Variants in DOK5 observed in about 807,000 individuals in gnomAD.
The protein encoded by DOK5 is docking protein 5.
A neutral mutation model predicts 43.3 loss-of-function variants in DOK5; 27 were observed. The observed-to-expected ratio is 0.62, with a 90% CI of 0.46 to 0.86. DOK5 has a LOEUF of 0.86. DOK5 is among the 40% of genes least tolerant of loss of function. The pLI is 0.00. For synonymous variants in DOK5, 146 were observed against 140.1 expected (o/e 1.04, Z -0.30); for missense variants, 373 against 392.9 (o/e 0.95, Z 0.43).
At chr20:54,486,343 T>TATATATGTCTGTATTTGTATATATAGAC (rs1327024756) in intron 1 of DOK5, among the ~76,000 whole-genome samples, 114 of 150,856 alleles carry the variant, frequency 7.6e-4, no homozygotes, top group African/African-American at 2.7e-3. Context: ...TATATATGTC[T>TATATATGTCTGTATTTGTATATATAGAC]ATATATGTCT....
At chr20:54,502,818 A>G (rs1302463729) in intron 1 of DOK5, among the ~76,000 whole-genome samples, 1 of 152,108 alleles carries the variant, frequency 6.6e-6, no homozygotes, top group Non-Finnish European at 1.5e-5. Flanking sequence ...TAGATATTCT[A>G]TTAATTTTGA....
intron 1 of DOK5, among the ~76,000 whole-genome samples, chr20:54,520,486 C>T (rs1274405999): frequency 6.6e-6 from 1 of 152,084 alleles, no homozygotes; most frequent in Non-Finnish European, 1.5e-5. Context: ...GCTCAAAATT[C>T]TGCAAGTCTT....
At chr20:54,625,908 T>C (rs1987116266) in intron 6 of DOK5, among the ~76,000 whole-genome samples, 1 of 152,236 alleles carries the variant, frequency 6.6e-6, no homozygotes, top group South Asian at 2.1e-4. Flanking sequence ...ATGCCTACTA[T>C]ATGCCAGGAA....
chr20:54,483,938 C>G (rs1383253465), intron 1 of DOK5, among the ~76,000 whole-genome samples: 1 of 152,142 alleles, frequency 6.6e-6, no homozygotes, highest in Non-Finnish European at 1.5e-5. Context: ...GTCTTGTGTT[C>G]TTAAGCCGAG....
At chr20:54,476,150 C>T in intron 1 of DOK5, 138 bp downstream of exon 1, 1 of 1,524,800 alleles carries the variant, frequency 6.6e-7, no homozygotes, top group Non-Finnish European at 8.8e-7. Context: ...CCGAAACCCG[C>T]GTCTCCGGGG....
intron 1 of DOK5, among the ~76,000 whole-genome samples, chr20:54,495,868 T>A (rs1485812010): frequency 2.0e-5 from 3 of 151,734 alleles, no homozygotes; most frequent in Non-Finnish European, 4.4e-5. Flanking sequence ...GGCAACAGAG[T>A]GAGACGCCAT....
intron 7 of DOK5, among the ~76,000 whole-genome samples, chr20:54,644,846 C>T (rs994818791): frequency 2.1e-5 from 3 of 146,116 alleles, no homozygotes; most frequent in African/African-American, 7.5e-5. Flanking sequence ...CCAGCCTGGG[C>T]AACAAGAGCA....
intron 5 of DOK5, among the ~76,000 whole-genome samples, chr20:54,594,421 C>T (rs1333031099): frequency 6.6e-6 from 1 of 152,032 alleles, no homozygotes; most frequent in Non-Finnish European, 1.5e-5. Flanking sequence ...AAAAGAAAAT[C>T]CCTATAGAAA....
intron 6 of DOK5, among the ~76,000 whole-genome samples, chr20:54,620,051 A>AT (rs11481803): frequency 0.072 from 10,946 of 152,086 alleles, 445 homozygotes; most frequent in Middle Eastern, 0.13. Context: ...TAACTTATGG[A>AT]TTTTTTAAAA....
At chr20:54,551,326 A>T (rs1432914161) in intron 1 of DOK5, among the ~76,000 whole-genome samples, 1 of 152,150 alleles carries the variant, frequency 6.6e-6, no homozygotes, top group Non-Finnish European at 1.5e-5. Context: ...TGTGGTTTAC[A>T]CATCTTTTCT....
chr20:54,622,774 G>A (rs541095585), intron 6 of DOK5, among the ~76,000 whole-genome samples: 11 of 152,288 alleles, frequency 7.2e-5, no homozygotes, highest in African/African-American at 2.4e-4. Flanking sequence ...GCTTGACCGT[G>A]TGGGCGGTGG....
rs190026819 is a variant in DOK5, at chr20:54,598,308, T to G, written c.599+6503T>G. ...TGGGGGCTAATGGACATATTGCTTA[T>G]TTTGTTTGAAGTTTTCTTAGTCTTT... On this transcript the variant is annotated intron_variant, in intron 5 of 7. Coordinates refer to ENST00000262593, the MANE Select transcript of DOK5 (RefSeq NM_018431.5). Among the ~76,000 whole-genome samples the G allele has an allele frequency of 4.6e-4, 70 of 152,340 alleles. 2 individuals carry two copies. The East Asian group carries it at 0.011, about 24-fold the overall frequency.
intron 1 of DOK5, among the ~76,000 whole-genome samples, chr20:54,530,963 A>T (rs1487349192): frequency 2.0e-5 from 3 of 152,212 alleles, no homozygotes; most frequent in Non-Finnish European, 4.4e-5. Context: ...CACTCTTGTC[A>T]AGTTGCCCTT....
chr20:54,584,740 CTATAA>C (rs1269689290), intron 2 of DOK5, among the ~76,000 whole-genome samples: 1 of 147,594 alleles, frequency 6.8e-6, no homozygotes, highest in Non-Finnish European at 1.5e-5. Flanking sequence ...TATATATACA[CTATAA>C]TATGTGTGTG....
intron 1 of DOK5, among the ~76,000 whole-genome samples, chr20:54,509,627 C>T (rs1221804644): frequency 6.6e-6 from 1 of 152,178 alleles, no homozygotes; most frequent in Non-Finnish European, 1.5e-5. Context: ...ATCTGCAAAG[C>T]AGGAACAAAT....
At chr20:54,579,900 A>G (rs995617135) in intron 2 of DOK5, among the ~76,000 whole-genome samples, 2 of 151,930 alleles carry the variant, frequency 1.3e-5, no homozygotes, top group Non-Finnish European at 2.9e-5. Context: ...CACCTACCTT[A>G]GGTATTTCTC....
chr20:54,619,172 TA>T (rs1270544409), intron 6 of DOK5, among the ~76,000 whole-genome samples: 64 of 148,036 alleles, frequency 4.3e-4, no homozygotes, highest in Non-Finnish European at 7.8e-4. Flanking sequence ...ATTTCCACTT[TA>T]AAAATTCAAT....
chr20:54,614,006 A>ATATATATATGGTTATATATATTTATT (rs1257831658), intron 6 of DOK5, among the ~76,000 whole-genome samples: 3 of 149,548 alleles, frequency 2.0e-5, no homozygotes, highest in East Asian at 1.9e-4. Flanking sequence ...ATATATATAC[A>ATATATATATGGTTATATATATTTATT]TATATATATG....
At chr20:54,587,756 G>A (rs146535717) in intron 2 of DOK5, among the ~76,000 whole-genome samples, 103 of 152,214 alleles carry the variant, frequency 6.8e-4, no homozygotes, top group Non-Finnish European at 1.0e-3. Flanking sequence ...GAGAGAGAAC[G>A]TCTAGTGGGG....
Sources: allele counts gnomAD v4.1 joint callset (sites outside exome capture counted in the v4.1 genomes callset), GRCh38; gene constraint gnomAD v4.1.1; transcripts MANE v1.5; gene names NCBI Gene and HGNC (gene_info 2026-07-23, HGNC 2026-07-21).